The following RSPO2 variants were observed in gnomAD, a reference collection of about 807,000 sequenced individuals.
RSPO2 encodes R-spondin 2.
Under a neutral mutation model 30.9 loss-of-function variants are expected in RSPO2, and 14 were observed. The observed-to-expected ratio is 0.45, with a 90% confidence interval of 0.30 to 0.71. RSPO2 has a LOEUF of 0.71. Ranked by LOEUF, RSPO2 falls within the 30% of genes least tolerant of loss-of-function variation. RSPO2 has a pLI of 0.08. For synonymous variants in RSPO2, 107 were observed against 96.4 expected (o/e 1.11, Z -0.64); for missense variants, 264 against 301.9 (o/e 0.87, Z 0.93).
At chr8:107,915,073 T>C (rs1329616325) in intron 5 of RSPO2, among the ~76,000 whole-genome samples, 1 of 152,158 alleles carries the variant, frequency 6.6e-6, no homozygotes, top group East Asian at 1.9e-4. Flanking sequence ...TTCCCCAAGA[T>C]GTGTATGTTT....
chr8:107,932,589 AAAG>A (rs1277336954), intron 5 of RSPO2, among the ~76,000 whole-genome samples: 14 of 152,162 alleles, frequency 9.2e-5, no homozygotes, highest in African/African-American at 3.4e-4. Context: ...TCCTCTTGGA[AAAG>A]AAGAGCTAAG....
chr8:107,962,309 TCA>T (rs1813653161), intron 3 of RSPO2, among the ~76,000 whole-genome samples: 1 of 152,298 alleles, frequency 6.6e-6, no homozygotes, highest in African/African-American at 2.4e-5. Context: ...TTAAAATAGA[TCA>T]CATAAGAAAT....
intron 2 of RSPO2, among the ~76,000 whole-genome samples, chr8:108,046,443 T>C (rs902059816): frequency 2.8e-4 from 42 of 151,990 alleles, no homozygotes; most frequent in African/African-American, 9.7e-4. Context: ...ACTAAACCAT[T>C]AAGATGTGAA....
At chr8:107,932,994 T>C (rs1812597344) in intron 5 of RSPO2, among the ~76,000 whole-genome samples, 1 of 152,190 alleles carries the variant, frequency 6.6e-6, no homozygotes, top group Admixed American at 6.5e-5. Context: ...ATGCTTTTCA[T>C]GTCTACTTTA....
At chr8:107,922,750 T>C (rs566714980) in intron 5 of RSPO2, among the ~76,000 whole-genome samples, 2 of 151,992 alleles carry the variant, frequency 1.3e-5, no homozygotes, top group Admixed American at 6.6e-5. Context: ...AAAACATACA[T>C]GGAAAAATGG....
chr8:108,044,842 T>G (rs1235164815), intron 2 of RSPO2, among the ~76,000 whole-genome samples: 1 of 152,142 alleles, frequency 6.6e-6, no homozygotes, highest in Non-Finnish European at 1.5e-5. Context: ...CGTTCCCTAC[T>G]AAATAAATGA....
chr8:108,032,588 T>A (rs1361315482), intron 2 of RSPO2, among the ~76,000 whole-genome samples: 4 of 152,110 alleles, frequency 2.6e-5, no homozygotes, highest in Admixed American at 6.6e-5. Context: ...CCTACCAACC[T>A]ACTGTCTCTT....
intron 5 of RSPO2, among the ~76,000 whole-genome samples, chr8:107,922,852 C>G (rs894402009): frequency 2.7e-5 from 4 of 149,852 alleles, no homozygotes; most frequent in Non-Finnish European, 6.0e-5. Context: ...GAACTCTAGT[C>G]AATAAGTAGG....
intron 3 of RSPO2, among the ~76,000 whole-genome samples, chr8:107,967,189 A>T (rs1813834219): frequency 6.6e-6 from 1 of 152,250 alleles, no homozygotes; most frequent in South Asian, 2.1e-4. Context: ...TTAAAGGCAC[A>T]GTTTGTTCCC....
chr8:108,008,982 AG>A (rs1810599946), intron 2 of RSPO2, among the ~76,000 whole-genome samples: 1 of 152,124 alleles, frequency 6.6e-6, no homozygotes. Context: ...CTATTGAAAA[AG>A]GTAGAAATTA....
intron 2 of RSPO2, among the ~76,000 whole-genome samples, chr8:108,046,535 C>T (rs955794461): frequency 6.6e-6 from 1 of 151,968 alleles, no homozygotes; most frequent in African/African-American, 2.4e-5. Flanking sequence ...TTAAACCATT[C>T]GTTTAGGGAA....
At chr8:108,008,040 T>C (rs1815513640) in intron 2 of RSPO2, among the ~76,000 whole-genome samples, 1 of 152,186 alleles carries the variant, frequency 6.6e-6, no homozygotes, top group Non-Finnish European at 1.5e-5. Flanking sequence ...GGCATTCACG[T>C]ATGCAGTACA....
At chr8:107,927,541 A>G (rs984283535) in intron 5 of RSPO2, among the ~76,000 whole-genome samples, 25 of 152,116 alleles carry the variant, frequency 1.6e-4, no homozygotes, top group Non-Finnish European at 2.8e-4. Context: ...GTTTGTCATA[A>G]ATAGCTCTTA....
chr8:107,903,317 A>T (rs1371286559), intron 5 of RSPO2, among the ~76,000 whole-genome samples: 2 of 152,098 alleles, frequency 1.3e-5, no homozygotes, highest in Non-Finnish European at 2.9e-5. Flanking sequence ...TATGTTAAAG[A>T]ATATATGTTA....
intron 2 of RSPO2, among the ~76,000 whole-genome samples, chr8:108,023,476 A>G (rs1362597928): frequency 6.6e-6 from 1 of 152,216 alleles, no homozygotes; most frequent in African/African-American, 2.4e-5. Flanking sequence ...CATCTGAACT[A>G]AAATGATACG....
At chr8:107,915,893 G>A (rs1459962158) in intron 5 of RSPO2, among the ~76,000 whole-genome samples, 1 of 152,088 alleles carries the variant, frequency 6.6e-6, no homozygotes, top group East Asian at 1.9e-4. Flanking sequence ...GAAAAGGGTG[G>A]GTTTGTCTTT....
At chr8:108,045,625 TACA>T (rs1416243686) in intron 2 of RSPO2, among the ~76,000 whole-genome samples, 1 of 152,142 alleles carries the variant, frequency 6.6e-6, no homozygotes, top group Non-Finnish European at 1.5e-5. Context: ...TCACAAATAT[TACA>T]ACATTTTTGT....
At chr8:107,952,758 T>C (rs1188538455) in intron 5 of RSPO2, among the ~76,000 whole-genome samples, 1 of 152,184 alleles carries the variant, frequency 6.6e-6, no homozygotes, top group Non-Finnish European at 1.5e-5. Flanking sequence ...TAATACGTAG[T>C]CCACATGTTG....
chr8:108,060,541 A>G (rs1300635458), intron 2 of RSPO2, among the ~76,000 whole-genome samples: 3 of 151,802 alleles, frequency 2.0e-5, no homozygotes, highest in Non-Finnish European at 4.4e-5. Context: ...ATGTGAAAAG[A>G]CCAAATCTAC....
Sources: gnomAD v4.1 joint callset for allele counts (sites outside exome capture counted in the v4.1 genomes callset) on GRCh38, gnomAD v4.1.1 for gene constraint, MANE v1.5 for transcripts, NCBI Gene and HGNC (gene_info 2026-07-23, HGNC 2026-07-21) for gene names.